Variants in TCF20 observed in about 807,000 individuals in gnomAD.
TCF20 encodes transcription factor 20, also known as SPRE-binding protein.
A neutral mutation model predicts 148.6 loss-of-function variants in TCF20; 3 were observed. The ratio of observed to expected loss-of-function variants is 0.02; its 90% confidence interval spans 0.01 to 0.05. TCF20 has a LOEUF of 0.05. Among genes scored for constraint, TCF20 ranks in the 10% least tolerant of loss-of-function variants. The pLI is 1.00. For synonymous variants in TCF20, 1,049 were observed against 909.5 expected, an observed-to-expected ratio of 1.15 and a Z score of -2.76; for missense variants, 2,350 against 2,429.3, an observed-to-expected ratio of 0.97 and a Z score of 0.69.
At chr22:42,209,104 T>C (rs1253890496) in intron 2 of TCF20, among the ~76,000 whole-genome samples, 1 of 152,104 alleles carries the variant, frequency 6.6e-6, no homozygotes, top group Non-Finnish European at 1.5e-5. Flanking sequence ...AATCTAGAAT[T>C]CCACACCTAG....
At chr22:42,166,905 C>G (rs778506972) in intron 5 of TCF20, among the ~76,000 whole-genome samples, 14 of 152,184 alleles carry the variant, frequency 9.2e-5, no homozygotes, top group Non-Finnish European at 1.9e-4. Flanking sequence ...TGGGAAGGCA[C>G]AGTGACACCC....
intron 1 of TCF20, among the ~76,000 whole-genome samples, chr22:42,221,195 TGCA>T (rs1922326745): frequency 6.6e-6 from 1 of 152,212 alleles, no homozygotes; most frequent in Non-Finnish European, 1.5e-5. Flanking sequence ...TGGAGGTAGA[TGCA>T]GCACACGTGG....
At chr22:42,300,068 T>C (rs1569204230) in intron 1 of TCF20, among the ~76,000 whole-genome samples, 1 of 152,126 alleles carries the variant, frequency 6.6e-6, no homozygotes, top group Non-Finnish European at 1.5e-5. Context: ...CCTTCGTTCC[T>C]TCGCTGGTAG....
intron 2 of TCF20, among the ~76,000 whole-genome samples, chr22:42,183,052 G>C (rs1421105889): frequency 1.3e-5 from 2 of 152,200 alleles, no homozygotes; most frequent in African/African-American, 4.8e-5. Flanking sequence ...GCACGCTTTT[G>C]AGCCCCACCT....
At chr22:42,301,263 G>A (rs902164535) in intron 1 of TCF20, among the ~76,000 whole-genome samples, 3 of 152,188 alleles carry the variant, frequency 2.0e-5, no homozygotes, top group African/African-American at 4.8e-5. Context: ...AGGACAAGGC[G>A]AGGATGGAGT....
chr22:42,307,982 C>T (rs988570412), intron 1 of TCF20, among the ~76,000 whole-genome samples: 8 of 152,208 alleles, frequency 5.3e-5, no homozygotes, highest in African/African-American at 1.7e-4. Flanking sequence ...CCAATAGGGG[C>T]GCAGGCTATT....
At position 42,338,549 on chromosome 22, in the gene TCF20, A is replaced by C. The variant is rs1032027043; in HGVS notation, c.-37+4930T>G. The stretch of plus-strand genomic sequence containing the variant: ...GGAAGGGCTGGGAAAATAATTACCG[A>C]GGAGGCCCGGGAGGGAGGCGGGGAG... On this transcript the variant is annotated intron_variant, in intron 1 of 1. Coordinates refer to the TCF20 transcript ENST00000515426. The surrounding 1 kb of genome is among the most constrained non-coding windows in gnomAD (Gnocchi z 4.0). Among the ~76,000 whole-genome samples, 1 of 152,192 alleles carries C rather than the reference A, an allele frequency of 6.6e-6. No individual in the cohort carries two copies. The highest frequency in any genetic ancestry group is 1.5e-5 in the Non-Finnish European group (1 of 68,036).
intron 1 of TCF20, among the ~76,000 whole-genome samples, chr22:42,322,219 G>A (rs1047088265): frequency 2.6e-5 from 4 of 151,854 alleles, no homozygotes; most frequent in Non-Finnish European, 4.4e-5. Context: ...TCATTCATTC[G>A]TTCACTCGGT....
At chr22:42,270,218 A>C (rs1926528248) in intron 1 of TCF20, among the ~76,000 whole-genome samples, 121 bp downstream of exon 1, 1 of 149,184 alleles carries the variant, frequency 6.7e-6, no homozygotes. Context: ...GAGGCTCCGC[A>C]CTCCCAGGTT....
chr22:42,300,052 T>G (rs1927307795), intron 1 of TCF20, among the ~76,000 whole-genome samples: 2 of 152,126 alleles, frequency 1.3e-5, no homozygotes, highest in African/African-American at 4.8e-5. Flanking sequence ...CCTGGTTCCT[T>G]TCGTTCCTTC....
upstream of TCF20, among the ~76,000 whole-genome samples, chr22:42,273,128 G>GGA (rs1555952783): frequency 3.9e-5 from 4 of 101,472 alleles, no homozygotes; most frequent in Non-Finnish European, 4.7e-5. Context: ...GGGAGGCCAA[G>GGA]GGGGGTGTAT....
intron 1 of TCF20, among the ~76,000 whole-genome samples, chr22:42,230,037 A>T (rs931343539): frequency 6.6e-6 from 1 of 152,232 alleles, no homozygotes; most frequent in Non-Finnish European, 1.5e-5. Context: ...ACTGAAAAAG[A>T]TCTGATTAAT....
intron 2 of TCF20, among the ~76,000 whole-genome samples, chr22:42,198,479 AAT>A (rs1395758036): frequency 1.3e-5 from 2 of 152,208 alleles, no homozygotes; most frequent in Non-Finnish European, 2.9e-5. Flanking sequence ...GCTTATATAA[AAT>A]AGCACAGTAT....
At chr22:42,328,561 T>A (rs989635192) in intron 1 of TCF20, among the ~76,000 whole-genome samples, 3 of 152,146 alleles carry the variant, frequency 2.0e-5, no homozygotes, top group Non-Finnish European at 2.9e-5. Flanking sequence ...TAGCTTCAGA[T>A]CACCCAGGAT....
intron 1 of TCF20, among the ~76,000 whole-genome samples, chr22:42,258,328 C>T (rs974792748): frequency 6.6e-6 from 1 of 152,124 alleles, no homozygotes; most frequent in East Asian, 1.9e-4. Flanking sequence ...ATTCCTGCCC[C>T]ATGCGCAGCC....
At chr22:42,272,883 C>T (rs530211942), upstream of TCF20, among the ~76,000 whole-genome samples, 5 of 152,270 alleles carry the variant, frequency 3.3e-5, no homozygotes, top group African/African-American at 9.6e-5. Flanking sequence ...CTCACTGGGC[C>T]GGGTGTGGTG....
chr22:42,211,763 G>C lies in TCF20; in HGVS notation c.3543C>G (p.Ser1181=). ...CCCAACAGGATTCTTGTAACTTCTG[G>C]GAGCCATGCTTTAATTCCATGCCCT... ...PNKGMELKHG[S]QKLQESCWDL... The change falls in exon 2 of 6, where the codon TCC becomes TCG. Residue 1181 remains serine (S), a synonymous_variant. Coordinates refer to ENST00000677622, the MANE Select transcript of TCF20 (RefSeq NM_001378418.1). 6.2e-7 allele frequency: 1 copy of C among 1,614,140 alleles called. No homozygotes were observed.
At chr22:42,199,904 T>C (rs1569132305) in intron 2 of TCF20, among the ~76,000 whole-genome samples, 1 of 151,612 alleles carries the variant, frequency 6.6e-6, no homozygotes, top group Non-Finnish European at 1.5e-5. Flanking sequence ...CCAATTACAT[T>C]TTAGGAATAA....
chr22:42,192,413 C>T (rs1044724922), intron 2 of TCF20, among the ~76,000 whole-genome samples: 2 of 152,130 alleles, frequency 1.3e-5, no homozygotes, highest in African/African-American at 4.8e-5. Flanking sequence ...CTTTCGCACC[C>T]GGAGCCACTG....
Sources: allele counts gnomAD v4.1 joint callset (sites outside exome capture counted in the v4.1 genomes callset), GRCh38; gene constraint gnomAD v4.1.1; non-coding constraint Gnocchi (gnomAD v3.1); transcripts MANE v1.5; gene names NCBI Gene and HGNC (gene_info 2026-07-23, HGNC 2026-07-21).